GRIP1: variants seen among roughly 807,000 people sequenced by gnomAD.
GRIP1 encodes the protein glutamate receptor-interacting protein 1.
In GRIP1, 45 loss-of-function variants were observed where a neutral mutation model predicts 129.9. The ratio of observed to expected loss-of-function variants is 0.35; its 90% CI spans 0.27 to 0.44. The LOEUF (loss-of-function observed/expected upper bound fraction) is 0.44. Ranked by LOEUF, GRIP1 falls within the 20% of genes least tolerant of loss-of-function variation. GRIP1 has a pLI of 1.00. For missense variants in GRIP1, 1,196 were observed against 1,396.8 expected, an observed-to-expected ratio of 0.86 and a Z score of 2.29; for synonymous variants, 530 against 520.8, an observed-to-expected ratio of 1.02 and a Z score of -0.24.
intron 2 of GRIP1, among the ~76,000 whole-genome samples, chr12:66,573,256 C>A (rs7968344): frequency 0.29 from 44,610 of 151,756 alleles, 6,956 homozygotes; most frequent in African/African-American, 0.39. Context: ...AACCTGGGTG[C>A]GCCTGGGAGT....
At chr12:66,610,229 T>C (rs2064734259) in intron 1 of GRIP1, among the ~76,000 whole-genome samples, 1 of 151,562 alleles carries the variant, frequency 6.6e-6, no homozygotes. Context: ...CACACACGCA[T>C]ATATATATAT....
chr12:66,858,228 C>T (rs2040040824), intron 1 of GRIP1, among the ~76,000 whole-genome samples: 1 of 151,800 alleles, frequency 6.6e-6, no homozygotes, highest in Admixed American at 6.6e-5. Flanking sequence ...TTCTAATTTT[C>T]CAAATGGTCT....
At position 66,347,844 on chromosome 12, in the gene GRIP1, A is replaced by ATGT. The variant is rs1445023732; in HGVS notation, c.*1172_*1174dup. On this transcript the variant is annotated 3_prime_UTR_variant, in exon 25 of 25. Coordinates refer to ENST00000359742, the MANE Select transcript of GRIP1 (RefSeq NM_001366722.1). Reference sequence around the variant, plus strand: ...GTTTGAATTATTGACCAAAATGAAAATGTTTGGAAAATAATCATTTCAATA... The same window carrying ATGT: ...GTTTGAATTATTGACCAAAATGAAAATGTTGTTTGGAAAATAATCATTTCAATA... The ATGT allele has an allele frequency of 2.0e-5, 3 of 152,226 alleles. No homozygotes were observed. The highest frequency in any genetic ancestry group is 4.4e-5 in the Non-Finnish European group (3 of 68,032). 9.4% of individuals were successfully genotyped at this position (152,226 alleles called of 1,614,324 possible).
intron 11 of GRIP1, among the ~76,000 whole-genome samples, chr12:66,447,748 CT>C (rs2058673147): frequency 6.6e-6 from 1 of 152,252 alleles, no homozygotes; most frequent in East Asian, 1.9e-4. Flanking sequence ...ACTCCCCCAG[CT>C]TTCTGACTTC....
At chr12:66,859,673 G>T (rs2040077994) in intron 1 of GRIP1, among the ~76,000 whole-genome samples, 1 of 151,992 alleles carries the variant, frequency 6.6e-6, no homozygotes, top group Non-Finnish European at 1.5e-5. Context: ...TCATATAAGT[G>T]TAGGTAATTA....
intron 1 of GRIP1, among the ~76,000 whole-genome samples, chr12:66,763,554 A>G (rs533521053): frequency 6.6e-6 from 1 of 152,232 alleles, no homozygotes; most frequent in Non-Finnish European, 1.5e-5. Flanking sequence ...AATGTCAGCT[A>G]TTTTGGAGTT....
intron 1 of GRIP1, among the ~76,000 whole-genome samples, chr12:66,795,120 G>A (rs2038658077): frequency 6.6e-6 from 1 of 152,206 alleles, no homozygotes; most frequent in South Asian, 2.1e-4. Flanking sequence ...AATACTTGCA[G>A]AAGTTAATTT....
At chr12:66,973,920 T>TTTC (rs1491166071) in intron 1 of GRIP1, among the ~76,000 whole-genome samples, 14 of 41,224 alleles carry the variant, frequency 3.4e-4, no homozygotes, top group Admixed American at 2.0e-3. Flanking sequence ...TTTTCTTTTC[T>TTTC]TTTTTTTTTT....
intron 1 of GRIP1, among the ~76,000 whole-genome samples, chr12:66,850,324 G>A (rs2039888894): frequency 6.6e-6 from 1 of 152,076 alleles, no homozygotes; most frequent in South Asian, 2.1e-4. Context: ...TCCAGATGTG[G>A]GTTCCTGAGG....
intron 1 of GRIP1, among the ~76,000 whole-genome samples, chr12:66,663,428 G>C (rs568164870): frequency 4.9e-4 from 74 of 152,230 alleles, no homozygotes; most frequent in Non-Finnish European, 8.4e-4. Flanking sequence ...TCACCATCTG[G>C]GGGGCCAATC....
In GRIP1 at chr12:66,451,383, G is replaced by GTTTTTTTTTTTTT. The variant is rs1169331519; in HGVS notation, c.1354+4013_1354+4025dup. ...CCCCAAAGATTTATTATTATAATCT[G>GTTTTTTTTTTTTT]TTTTTTTTTTTTTTTTTTTTTTTTT... On this transcript the variant is annotated intron_variant, in intron 11 of 24. Coordinates refer to ENST00000359742, the MANE Select transcript of GRIP1 (RefSeq NM_001366722.1). Among the ~76,000 whole-genome samples the GTTTTTTTTTTTTT allele has an allele frequency of 1.3e-3, 55 of 42,654 alleles. 15 individuals are homozygous for GTTTTTTTTTTTTT. The highest frequency in any genetic ancestry group is 1.5e-3 in the Non-Finnish European group (36 of 23,898). 28.0% of individuals were successfully genotyped at this position (42,654 alleles called of 152,430 possible).
At chr12:66,791,498 G>A (rs1028582181) in intron 1 of GRIP1, among the ~76,000 whole-genome samples, 2 of 152,212 alleles carry the variant, frequency 1.3e-5, no homozygotes, top group South Asian at 4.2e-4. Context: ...TTCCAGTAAT[G>A]TCAGTAGCAG....
chr12:66,495,917 C>T (rs550174233), intron 7 of GRIP1, among the ~76,000 whole-genome samples: 2 of 152,282 alleles, frequency 1.3e-5, no homozygotes, highest in East Asian at 3.9e-4. Flanking sequence ...AAGGAGTCCT[C>T]GGCGGCAGGT....
At chr12:66,428,123 C>A (rs557021570) in intron 14 of GRIP1, among the ~76,000 whole-genome samples, 1 of 152,114 alleles carries the variant, frequency 6.6e-6, no homozygotes, top group Admixed American at 6.6e-5. Context: ...GTATGCTGGG[C>A]AAGTGGACCC....
chr12:66,831,743 C>G (rs1237922563), intron 1 of GRIP1, among the ~76,000 whole-genome samples: 1 of 152,094 alleles, frequency 6.6e-6, no homozygotes, highest in Non-Finnish European at 1.5e-5. Context: ...CCCTTTGGGA[C>G]GAGCACGGTA....
At chr12:66,442,699 T>C (rs112774212) in intron 13 of GRIP1, among the ~76,000 whole-genome samples, 5,615 of 150,274 alleles carry the variant, frequency 0.037, 283 homozygotes, top group African/African-American at 0.12. Flanking sequence ...GCCAGGCTAA[T>C]TTAAAAAAAA....
chr12:66,653,611 T>G (rs1033467044), intron 1 of GRIP1, among the ~76,000 whole-genome samples: 7 of 152,202 alleles, frequency 4.6e-5, no homozygotes, highest in Non-Finnish European at 1.0e-4. Flanking sequence ...CCCAAGAAAC[T>G]GTTGACGCAC....
chr12:66,495,017 G>C (rs1389620325), intron 7 of GRIP1, among the ~76,000 whole-genome samples: 1 of 152,128 alleles, frequency 6.6e-6, no homozygotes, highest in African/African-American at 2.4e-5. Flanking sequence ...CAATGTGTAA[G>C]GTACCTTGTA....
chr12:66,892,241 C>T (rs775864676), intron 1 of GRIP1, among the ~76,000 whole-genome samples: 31 of 152,232 alleles, frequency 2.0e-4, no homozygotes, highest in Admixed American at 3.9e-4. Flanking sequence ...GGTAGGAATT[C>T]CATCACCAAT....
Sources: allele counts gnomAD v4.1 joint callset (sites outside exome capture counted in the v4.1 genomes callset), GRCh38; gene constraint gnomAD v4.1.1; transcripts MANE v1.5; gene names NCBI Gene and HGNC (gene_info 2026-07-23, HGNC 2026-07-21).